Variants in GCN1 observed in about 807,000 individuals in gnomAD.
GCN1 encodes the protein stalled ribosome sensor GCN1.
GCN1 carries 90 observed loss-of-function variants against 288.4 expected under a neutral mutation model. That is an observed-to-expected ratio of 0.31 (90% CI 0.26 to 0.37). The LOEUF is 0.37. Ranked by LOEUF, GCN1 falls within the 10% of genes least tolerant of loss-of-function variation. The probability of loss-of-function intolerance (pLI) is 1.00; values close to 1 mark genes in which losing one functional copy is unlikely to be tolerated. For missense variants in GCN1, 2,586 were observed against 3,419.9 expected (o/e 0.76, Z 6.08); for synonymous variants, 1,386 against 1,420.2 (o/e 0.98, Z 0.54).
At position 120,129,335 on chromosome 12, in the gene GCN1, A is replaced by T; in HGVS notation, c.7831T>A (p.Tyr2611Asn). ...AGGTTGACAATTGCCTGGTCGCTGT[A>T]GGCCCTGACCACGGTGTTCTTATCC... ...TKDKNTVVRAYSDQAIVNLLK... is the reference protein window; with the variant it reads ...TKDKNTVVRANSDQAIVNLLK... Residue 2611 changes from tyrosine to asparagine, a missense_variant, in exon 57 of 58, where the codon TAC (tyrosine) becomes AAC (asparagine). Tyr to Asn is a moderately radical substitution (Grantham distance 143). Coordinates refer to ENST00000300648, the MANE Select transcript of GCN1 (RefSeq NM_006836.2). The T allele has an allele frequency of 6.2e-7, 1 of 1,614,160 alleles. No homozygotes were observed. The highest frequency in any genetic ancestry group is 2.2e-5 in the East Asian group (1 of 44,874).
At position 120,137,687 on chromosome 12, in the gene GCN1, A is replaced by G; in HGVS notation, c.6521T>C (p.Ile2174Thr). ...TGAGCGGGAACAGTAGATGTTGAGG[A>G]TGATGGCAGCAGCTTGCCTCATGCC... is the stretch of plus-strand genomic sequence containing the variant. ...EVGMRQAAAI[I>T]LNIYCSRSKA... Residue 2174 changes from isoleucine (I) to threonine (T), a missense_variant, in exon 49 of 58, where the codon ATC becomes ACC. Physicochemically the swap from Ile to Thr is moderately conservative, Grantham distance 89 (BLOSUM62 -1). This residue lies in a region of GCN1 where 437 missense variants were observed against 570.5 expected (regional missense o/e 0.77). Coordinates refer to ENST00000300648, the MANE Select transcript of GCN1 (RefSeq NM_006836.2). This position sits in a 1 kb window ranked among gnomAD's most constrained non-coding sequence, Gnocchi z 5.2. 1 of 1,614,084 alleles carries G rather than the reference A, an allele frequency of 6.2e-7. No individual in the cohort carries two copies. The highest frequency in any genetic ancestry group is 1.3e-5 in the African/African-American group (1 of 75,010).
At chr12:120,180,084 A>T (rs1250662487) in intron 5 of GCN1, among the ~76,000 whole-genome samples, 1 of 152,200 alleles carries the variant, frequency 6.6e-6, no homozygotes, top group African/African-American at 2.4e-5. Flanking sequence ...AGGCAGGCAG[A>T]TCACCTGAGG....
Position 120,153,925 on chromosome 12 carries a change from G to A in GCN1, c.3702-16C>T, listed in dbSNP as rs1311214378. ...CAAGCCACACCTGGGAAAGAAGTGGGAGCACATCAGGAGGGGCAGTCAGGG... is the reference window on the plus strand; with the variant it reads ...CAAGCCACACCTGGGAAAGAAGTGGAAGCACATCAGGAGGGGCAGTCAGGG... On this transcript the variant is annotated splice_polypyrimidine_tract_variant and intron_variant, in intron 31 of 57. Transcript: ENST00000300648. The surrounding 1 kb of genome is among the most constrained non-coding windows in gnomAD (Gnocchi z 4.4). 6.2e-7 allele frequency: 1 copy of A among 1,611,082 alleles called. No individual in the cohort carries two copies. Among genetic ancestry groups the A allele is most frequent in the African/African-American group, 1.3e-5 (1 of 75,002 alleles).
At chr12:120,151,034 T>C (rs1337468182) in intron 34 of GCN1, 111 bp downstream of exon 34, 32 of 1,207,334 alleles carry the variant, frequency 2.7e-5, no homozygotes, top group Non-Finnish European at 3.3e-5. Flanking sequence ...CCCTCTGTAG[T>C]ACACGCACAA....
chr12:120,160,019 T>C lies in GCN1; in HGVS notation c.2555A>G (p.Asp852Gly), dbSNP rs2139113460. ...AQVRRRLQEL[D>G]GELEAALGLL... The stretch of plus-strand genomic sequence containing the variant: ...TCCAAGCGCCGCCTCCAGCTCCCCA[T>C]CCAGCTGCAAGCAGAGTTGTCCAGA... Residue 852 changes from aspartate to glycine, a missense_variant, in exon 24 of 58, where the codon GAT becomes GGT. By Grantham distance (94) the Asp-to-Gly change is moderately conservative (BLOSUM62 -1). Coordinates refer to ENST00000300648, the MANE Select transcript of GCN1 (RefSeq NM_006836.2). The C allele has an allele frequency of 6.2e-7, 1 of 1,613,906 alleles. No homozygotes were observed. The highest frequency in any genetic ancestry group is 8.5e-7 in the Non-Finnish European group (1 of 1,179,910).
intron 47 of GCN1, 60 bp from the exon 48 acceptor site, chr12:120,138,104 G>C: frequency 6.7e-7 from 1 of 1,484,170 alleles, no homozygotes; most frequent in Non-Finnish European, 9.2e-7. Context: ...GCTAGGCTCT[G>C]GGAACAGACG....
chr12:120,162,186 G>T, intron 20 of GCN1, 128 bp from the exon 21 acceptor site: 1 of 741,974 alleles, frequency 1.3e-6, no homozygotes, highest in Non-Finnish European at 2.2e-6. Context: ...CCTGGGCAAT[G>T]CCCATCACAG....
At chr12:120,171,507 CT>C (rs1408135084) in intron 14 of GCN1, among the ~76,000 whole-genome samples, 2 of 152,200 alleles carry the variant, frequency 1.3e-5, no homozygotes, top group African/African-American at 2.4e-5. Context: ...TTCTTCCCCC[CT>C]ACCCCAACAC....
intron 53 of GCN1, among the ~76,000 whole-genome samples, chr12:120,132,801 T>C (rs1358459223): frequency 6.6e-6 from 1 of 152,150 alleles, no homozygotes; most frequent in African/African-American, 2.4e-5. Context: ...AAAAAGCTAA[T>C]GCCAGGCTGG....
chr12:120,166,809 A>C (rs754075809), intron 16 of GCN1, among the ~76,000 whole-genome samples: 1 of 151,554 alleles, frequency 6.6e-6, no homozygotes, highest in Non-Finnish European at 1.5e-5. Flanking sequence ...CCAGGAGTTC[A>C]AGGTCAGCCT....
chr12:120,167,452 C>T (rs1231744491), intron 16 of GCN1, among the ~76,000 whole-genome samples: 2 of 151,706 alleles, frequency 1.3e-5, no homozygotes, highest in Non-Finnish European at 2.9e-5. Flanking sequence ...GGCACACTAC[C>T]ATTTGTGTAA....
intron 5 of GCN1, among the ~76,000 whole-genome samples, chr12:120,181,266 G>GACCA (rs1878648110): frequency 2.0e-5 from 3 of 151,522 alleles, no homozygotes; most frequent in Admixed American, 2.0e-4. Context: ...AGGAGTTCGA[G>GACCA]ACCAACCCGG....
chr12:120,149,554 G>T, intron 36 of GCN1, 52 bp downstream of exon 36: 3 of 1,278,464 alleles, frequency 2.3e-6, no homozygotes, highest in Non-Finnish European at 3.4e-6. Flanking sequence ...CCTTGCTGAG[G>T]CTGGTTTTCA....
At chr12:120,160,642 A>G (rs1356140384) in intron 22 of GCN1, among the ~76,000 whole-genome samples, 1 of 152,206 alleles carries the variant, frequency 6.6e-6, no homozygotes, top group Non-Finnish European at 1.5e-5. Flanking sequence ...GATAAGCTGA[A>G]GCTTAGAAAA....
Position 120,127,207 on chromosome 12 carries a change from T to A in GCN1, c.*642A>T, listed in dbSNP as rs1383810276. The A allele has an allele frequency of 1.3e-5, 2 of 152,696 alleles. No homozygotes were observed. Among genetic ancestry groups the A allele is most frequent in the Non-Finnish European group, 2.9e-5 (2 of 68,056 alleles). The allele number at this position is 152,696 out of a possible 1,614,324, so 9.5% of individuals were successfully genotyped here. On this transcript the variant is annotated 3_prime_UTR_variant, in exon 58 of 58. Transcript: ENST00000300648. ...TACAAAAACAGGTACAAACCTTTCC[T>A]TATTCCTGATGCAGGAAGCTTCATG... is the stretch of plus-strand genomic sequence containing the variant.
rs1877730130 is a variant in GCN1, at chr12:120,155,862, T to TCA, written c.3313-144_3313-143insTG. On this transcript the variant is annotated intron_variant, in intron 28 of 57. Coordinates refer to ENST00000300648, the MANE Select transcript of GCN1 (RefSeq NM_006836.2). This position sits in a 1 kb window ranked among gnomAD's most constrained non-coding sequence, Gnocchi z 4.9. The stretch of plus-strand genomic sequence containing the variant: ...TAAAGTTAAATCAATTAAAATTAAC[T>TCA]CTAAGTAAGTTCCTTAGAGTGTGAG... 2.8e-6 allele frequency: 2 copies of TCA among 713,870 alleles called. No homozygotes were observed. Among genetic ancestry groups the TCA allele is most frequent in the Admixed American group, 5.3e-5 (2 of 37,664 alleles). The allele number at this position is 713,870 out of a possible 1,614,324, so 44.2% of individuals were successfully genotyped here.
intron 15 of GCN1, among the ~76,000 whole-genome samples, chr12:120,168,856 A>G (rs1878216710): frequency 6.6e-6 from 1 of 152,212 alleles, no homozygotes; most frequent in Admixed American, 6.5e-5. Flanking sequence ...GAAGAAGGTC[A>G]TGTTCATCTT....
chr12:120,190,817 C>T (rs1237983145), intron 1 of GCN1, among the ~76,000 whole-genome samples: 3 of 152,262 alleles, frequency 2.0e-5, no homozygotes, highest in East Asian at 1.9e-4. Context: ...GGGCCTGGTA[C>T]GTGCCAACTA....
intron 10 of GCN1, 28 bp downstream of exon 10, chr12:120,176,115 T>G (rs77876258): frequency 2.0e-6 from 3 of 1,532,968 alleles, no homozygotes; most frequent in Non-Finnish European, 1.8e-6. Context: ...GTGACACTTA[T>G]GGGCTGGAGA....
Sources: allele counts gnomAD v4.1 joint callset (sites outside exome capture counted in the v4.1 genomes callset), GRCh38; gene constraint gnomAD v4.1.1; regional missense constraint gnomAD v4.1.1; non-coding constraint Gnocchi (gnomAD v3.1); transcripts MANE v1.5; gene names NCBI Gene and HGNC (gene_info 2026-07-23, HGNC 2026-07-21).